LY96: variants seen among roughly 807,000 people sequenced by gnomAD.
The protein encoded by LY96 is myeloid differentiation protein-2.
In LY96, 18 loss-of-function variants were observed where a neutral mutation model predicts 18.9. The ratio of observed to expected loss-of-function variants is 0.95; its 90% CI spans 0.66 to 1.41. The LOEUF (loss-of-function observed/expected upper bound fraction) is 1.41, where lower values mean the gene tolerates loss of function less well. Ranked by LOEUF, LY96 falls within the 40% of genes most tolerant of loss-of-function variation. The probability of loss-of-function intolerance (pLI) is 0.00; values close to 1 mark genes in which losing one functional copy is unlikely to be tolerated. For synonymous variants in LY96, 66 were observed against 62.6 expected (o/e 1.06, Z -0.26); for missense variants, 175 against 182.4 (o/e 0.96, Z 0.23).
At chr8:74,068,187 C>A in the LY96 span, among the ~76,000 whole-genome samples, 1 of 149,880 alleles carries the variant, frequency 6.7e-6, no homozygotes, top group African/African-American at 2.5e-5. Flanking sequence ...AGCAGTCTGT[C>A]TTCTGTCTCT....
rs1816001863 is a variant in LY96 at position 73,991,467 on chromosome 8, A to C, written c.25A>C (p.Thr9Pro). Residue 9 changes from threonine to proline, a missense_variant, in exon 1 of 5, where the codon ACC (threonine) becomes CCC (proline). Physicochemically the swap from Thr to Pro is conservative, Grantham distance 38. Transcript: ENST00000284818. MLPFLFFS[T>P]LFSSIFTEAQ... ...CATGTTACCATTTCTGTTTTTTTCC[A>C]CCCTGTTTTCTTCCATATTTACTGA... 1 of 1,610,774 alleles carries C rather than the reference A, an allele frequency of 6.2e-7. No homozygotes were observed.
chr8:74,001,873 G>A (rs1259577441), intron 1 of LY96, among the ~76,000 whole-genome samples: 1 of 151,824 alleles, frequency 6.6e-6, no homozygotes, highest in Non-Finnish European at 1.5e-5. Context: ...ATTTCATTGG[G>A]CTTCTTGGAT....
chr8:74,038,665 T>A, the LY96 span, among the ~76,000 whole-genome samples: 1 of 152,216 alleles, frequency 6.6e-6, no homozygotes. Context: ...GTGCTGGGAT[T>A]ATAGGCATGA....
the LY96 span, among the ~76,000 whole-genome samples, chr8:74,062,620 C>A: frequency 6.6e-6 from 1 of 152,042 alleles, no homozygotes; most frequent in Non-Finnish European, 1.5e-5. Context: ...GTATATGTAC[C>A]ACATTTTCTT....
At chr8:74,024,528 T>G (rs1043645996) in intron 3 of LY96, among the ~76,000 whole-genome samples, 1 of 152,092 alleles carries the variant, frequency 6.6e-6, no homozygotes, top group Non-Finnish European at 1.5e-5. Flanking sequence ...CTAGGCATTG[T>G]TCTTAGCACT....
At chr8:74,096,308 C>T in the LY96 span, among the ~76,000 whole-genome samples, 19 of 152,146 alleles carry the variant, frequency 1.2e-4, no homozygotes, top group Non-Finnish European at 2.2e-4. Flanking sequence ...TGATCTGTCC[C>T]TTCCCCCAAC....
the LY96 span, among the ~76,000 whole-genome samples, chr8:74,083,690 T>C: frequency 6.6e-6 from 1 of 152,094 alleles, no homozygotes; most frequent in Non-Finnish European, 1.5e-5. Flanking sequence ...ACCACTTAAA[T>C]CTTTTCTTTC....
intron 3 of LY96, among the ~76,000 whole-genome samples, chr8:74,012,160 C>A (rs940758395): frequency 3.9e-5 from 6 of 152,098 alleles, no homozygotes; most frequent in African/African-American, 1.2e-4. Flanking sequence ...ATAGAACCAC[C>A]ATTCCATCTA....
chr8:74,009,510 G>C (rs943533060), intron 2 of LY96, among the ~76,000 whole-genome samples: 6 of 152,074 alleles, frequency 3.9e-5, no homozygotes, highest in Middle Eastern at 6.8e-3. Context: ...ATTTTTCATG[G>C]TAGCTGGAAA....
At chr8:74,039,829 C>A in the LY96 span, among the ~76,000 whole-genome samples, 36 of 152,176 alleles carry the variant, frequency 2.4e-4, no homozygotes, top group African/African-American at 7.7e-4. Flanking sequence ...GGACAAGGAG[C>A]ATGACTATTG....
the LY96 span, among the ~76,000 whole-genome samples, chr8:74,090,330 T>C: frequency 6.6e-6 from 1 of 152,208 alleles, no homozygotes; most frequent in Non-Finnish European, 1.5e-5. Context: ...ATCTGGCATA[T>C]ACAGGTGCTT....
the LY96 span, among the ~76,000 whole-genome samples, chr8:74,092,864 A>C: frequency 2.0e-5 from 3 of 152,142 alleles, no homozygotes; most frequent in Non-Finnish European, 2.9e-5. Flanking sequence ...GTATTGCCAC[A>C]GCTCCACTTT....
chr8:74,017,080 A>G (rs1462055066), intron 3 of LY96, among the ~76,000 whole-genome samples: 1 of 152,256 alleles, frequency 6.6e-6, no homozygotes, highest in Admixed American at 6.5e-5. Flanking sequence ...AAGGCTTTAG[A>G]AGGTCAGTAA....
chr8:74,022,925 T>A (rs967442230), intron 3 of LY96, among the ~76,000 whole-genome samples: 2 of 152,138 alleles, frequency 1.3e-5, no homozygotes, highest in African/African-American at 4.8e-5. Flanking sequence ...GTCTCATCCA[T>A]CTTCCTCCCC....
At chr8:74,081,916 G>A in the LY96 span, among the ~76,000 whole-genome samples, 1 of 152,182 alleles carries the variant, frequency 6.6e-6, no homozygotes, top group African/African-American at 2.4e-5. Context: ...GATTACAGGC[G>A]TGAGCCACCG....
At chr8:74,076,530 G>A in the LY96 span, among the ~76,000 whole-genome samples, 2 of 151,774 alleles carry the variant, frequency 1.3e-5, no homozygotes, top group African/African-American at 4.8e-5. Flanking sequence ...TCACCACGTT[G>A]GCCAGGCTAG....
chr8:74,078,734 G>A, the LY96 span, among the ~76,000 whole-genome samples: 1 of 152,148 alleles, frequency 6.6e-6, no homozygotes, highest in Non-Finnish European at 1.5e-5. Context: ...GAGCTTCACA[G>A]GCCTGGGATG....
At chr8:74,011,482 C>T (rs1411505803) in intron 3 of LY96, among the ~76,000 whole-genome samples, 1 of 152,216 alleles carries the variant, frequency 6.6e-6, no homozygotes, top group Middle Eastern at 3.2e-3. Context: ...GCAAACTATT[C>T]ATCCAACAGG....
At chr8:74,094,063 T>C in the LY96 span, among the ~76,000 whole-genome samples, 388 of 152,202 alleles carry the variant, frequency 2.5e-3, 1 homozygote, top group African/African-American at 8.8e-3. Context: ...GTTTGGGGAG[T>C]AGTCCATTTA....
Sources: allele counts gnomAD v4.1 joint callset (sites outside exome capture counted in the v4.1 genomes callset), GRCh38; gene constraint gnomAD v4.1.1; transcripts MANE v1.5; gene names NCBI Gene and HGNC (gene_info 2026-07-23, HGNC 2026-07-21).